RIMBP2: variants seen among roughly 807,000 people sequenced by gnomAD.
RIMBP2 encodes the protein RIMS binding protein 2.
RIMBP2 carries 48 observed loss-of-function variants against 118.6 expected under a neutral mutation model. That is an observed-to-expected ratio of 0.40 (90% CI 0.32 to 0.51). The LOEUF is 0.51. RIMBP2 is among the 20% of genes least tolerant of loss of function. The probability of loss-of-function intolerance (pLI) is 0.41; values close to 1 mark genes in which losing one functional copy is unlikely to be tolerated. For synonymous variants in RIMBP2, 762 were observed against 742.9 expected (o/e 1.03, Z -0.42); for missense variants, 1,551 against 1,768.3 (o/e 0.88, Z 2.20).
At position 130,643,890 on chromosome 12, in the gene RIMBP2, C is replaced by T. The variant is rs545448101; in HGVS notation, c.-351-15434G>A. Among the ~76,000 whole-genome samples, 13 of 152,168 alleles carry T rather than the reference C, an allele frequency of 8.5e-5. No homozygotes were observed. The East Asian group carries it at 9.7e-4, about 11-fold the overall frequency. ...AAGCAGTGGGGTCTGCGAGGGGCAG[C>T]GATTTTAGACAGTGTGGTCAAGGTG... On this transcript the variant is annotated intron_variant, in intron 1 of 22. Transcript: ENST00000690449.
chr12:130,517,250 A>T (rs955432571), intron 3 of RIMBP2, among the ~76,000 whole-genome samples: 2 of 152,152 alleles, frequency 1.3e-5, no homozygotes, highest in Admixed American at 1.3e-4. Context: ...GAGCACACTC[A>T]GTCCCCTTGC....
chr12:130,513,857 TC>T (rs1263057439), intron 3 of RIMBP2, among the ~76,000 whole-genome samples: 2 of 152,258 alleles, frequency 1.3e-5, no homozygotes, highest in East Asian at 3.8e-4. Context: ...ATTTTGCAAT[TC>T]CAAGCAAGAA....
At position 130,437,231 on chromosome 12, in the gene RIMBP2, T is replaced by C. The variant is rs1281525523; in HGVS notation, c.1717A>G (p.Ser573Gly). 1.9e-6 allele frequency: 3 copies of C among 1,584,972 alleles called. No individual in the cohort carries two copies. Among genetic ancestry groups the C allele is most frequent in the Non-Finnish European group, 2.6e-6 (3 of 1,171,154 alleles). The change falls in exon 13 of 23, where the codon AGC becomes GGC. Residue 573 changes from serine to glycine, a missense_variant. Transcript: ENST00000690449. ...STAVELVRLR[S>G]LEAKGVTVRT... ...ACGGTCACGCCCTTGGCCTCCAGGC[T>C]CCGCAGCCGCACAAGCTCCACGGCC...
intron 2 of RIMBP2, among the ~76,000 whole-genome samples, chr12:130,619,054 G>A (rs937938342): frequency 6.6e-6 from 1 of 152,154 alleles, no homozygotes; most frequent in African/African-American, 2.4e-5. Flanking sequence ...TTTATAGCAA[G>A]CAACCTTCAA....
At chr12:130,506,851 A>C in intron 3 of RIMBP2, 81 bp from the exon 4 acceptor site, 1 of 944,542 alleles carries the variant, frequency 1.1e-6, no homozygotes, top group Non-Finnish European at 1.3e-6. Context: ...CTTTAGGAGC[A>C]AAATCTTCAA....
At chr12:130,575,609 A>C (rs766900042) in intron 2 of RIMBP2, among the ~76,000 whole-genome samples, 23 of 152,210 alleles carry the variant, frequency 1.5e-4, no homozygotes, top group Non-Finnish European at 3.2e-4. Context: ...CCAAATGTGC[A>C]TGAAACACAC....
intron 1 of RIMBP2, among the ~76,000 whole-genome samples, chr12:130,639,728 C>T (rs958155377): frequency 6.6e-6 from 1 of 152,070 alleles, no homozygotes; most frequent in Non-Finnish European, 1.5e-5. Context: ...TGGCACCTGG[C>T]TCATGGGACC....
intron 22 of RIMBP2, chr12:130,399,163 T>C: frequency 4.3e-6 from 6 of 1,387,338 alleles, no homozygotes; most frequent in Non-Finnish European, 5.6e-6. Context: ...ACTCTTCTTC[T>C]GTTTCCAAGC....
At position 130,427,978 on chromosome 12, in the gene RIMBP2, C is replaced by T. The variant is rs530675417; in HGVS notation, c.2412+201G>A. The T allele has an allele frequency of 1.1e-4, 59 of 513,180 alleles. 1 individual carries two copies. The South Asian group carries it at 2.1e-3, about 18-fold the overall frequency. 31.8% of individuals were successfully genotyped at this position (513,180 alleles called of 1,614,324 possible). A position where few individuals can be genotyped will look rare whatever the true frequency, so the allele number is the denominator to read the frequency against. On this transcript the variant is annotated intron_variant, in intron 15 of 22. Transcript: ENST00000690449. ...ATTCCTCTAAACTCCTTTACCCAGA[C>T]CTTTTGGCCAAGAGCAAGACAGGAG...
chr12:130,547,005 G>A (rs919151151), intron 2 of RIMBP2, among the ~76,000 whole-genome samples: 2 of 152,026 alleles, frequency 1.3e-5, no homozygotes, highest in African/African-American at 2.4e-5. Flanking sequence ...GGAGGAGGAG[G>A]GACAGTTGTT....
At chr12:130,526,743 T>G (rs2052830682) in intron 2 of RIMBP2, among the ~76,000 whole-genome samples, 1 of 152,116 alleles carries the variant, frequency 6.6e-6, no homozygotes, top group African/African-American at 2.4e-5. Flanking sequence ...AATATACAAG[T>G]CTGGTAGAAT....
Position 130,424,126 on chromosome 12 carries a change from A to G in RIMBP2, c.3129+16T>C. 8.3e-7 allele frequency: 1 copy of G among 1,210,694 alleles called. No individual in the cohort carries two copies. Among genetic ancestry groups the G allele is most frequent in the Middle Eastern group, 3.2e-4 (1 of 3,168 alleles). 75.0% of individuals were successfully genotyped at this position (1,210,694 alleles called of 1,614,324 possible). Reference sequence around the variant, plus strand: ...GTTTGGCAAGCGGCTGTGAAAAGGAAGTTTAGGTCACACACCAGGGGGCCT... The same window carrying G: ...GTTTGGCAAGCGGCTGTGAAAAGGAGGTTTAGGTCACACACCAGGGGGCCT... On this transcript the variant is annotated intron_variant, in intron 16 of 22. Coordinates refer to ENST00000690449, the MANE Select transcript of RIMBP2 (RefSeq NM_001393629.1). The surrounding 1 kb of genome is among the most constrained non-coding windows in gnomAD (Gnocchi z 9.8).
At chr12:130,534,934 G>A (rs1257019489) in intron 2 of RIMBP2, among the ~76,000 whole-genome samples, 1 of 152,190 alleles carries the variant, frequency 6.6e-6, no homozygotes, top group Non-Finnish European at 1.5e-5. Context: ...CACCACTATT[G>A]GGGCCACTAT....
At chr12:130,596,482 G>C (rs1358453764) in intron 2 of RIMBP2, among the ~76,000 whole-genome samples, 1 of 151,878 alleles carries the variant, frequency 6.6e-6, no homozygotes, top group Non-Finnish European at 1.5e-5. Context: ...CTGCCTACAG[G>C]GCTCTGAAAC....
intron 2 of RIMBP2, among the ~76,000 whole-genome samples, chr12:130,582,828 T>C (rs2058565859): frequency 6.6e-6 from 1 of 152,190 alleles, no homozygotes. Flanking sequence ...AGCAGGGCAT[T>C]TGTCTAGTTC....
intron 2 of RIMBP2, among the ~76,000 whole-genome samples, chr12:130,608,360 A>G (rs2060310803): frequency 6.6e-6 from 1 of 152,262 alleles, no homozygotes; most frequent in South Asian, 2.1e-4. Flanking sequence ...GCCCACTGGC[A>G]TTGCATGTAG....
chr12:130,449,414 C>T (rs1454218668), intron 9 of RIMBP2, among the ~76,000 whole-genome samples: 1 of 152,252 alleles, frequency 6.6e-6, no homozygotes, highest in Non-Finnish European at 1.5e-5. Flanking sequence ...CATTACCTCT[C>T]AGCGAGCACA....
chr12:130,541,877 T>C (rs1376115484), intron 2 of RIMBP2, among the ~76,000 whole-genome samples: 7 of 152,320 alleles, frequency 4.6e-5, no homozygotes, highest in Non-Finnish European at 1.0e-4. Context: ...TGGGATGCCT[T>C]TATGTAAACT....
intron 6 of RIMBP2, chr12:130,466,039 C>T (rs528408638): frequency 6.6e-6 from 1 of 152,314 alleles, no homozygotes; most frequent in Non-Finnish European, 1.5e-5. Context: ...CATTCATTAA[C>T]CTCCCTGTGT....
Sources: allele counts gnomAD v4.1 joint callset (sites outside exome capture counted in the v4.1 genomes callset), GRCh38; gene constraint gnomAD v4.1.1; non-coding constraint Gnocchi (gnomAD v3.1); transcripts MANE v1.5; gene names NCBI Gene and HGNC (gene_info 2026-07-23, HGNC 2026-07-21).